ADAMTS20: variants seen among roughly 807,000 people sequenced by gnomAD.
The protein encoded by ADAMTS20 is A disintegrin and metalloproteinase with thrombospondin motifs 20.
Under a neutral mutation model 260.1 loss-of-function variants are expected in ADAMTS20, and 225 were observed. The ratio of observed to expected loss-of-function variants is 0.87; its 90% confidence interval spans 0.78 to 0.97. The LOEUF is 0.97. ADAMTS20 is among the 50% of genes least tolerant of loss of function. ADAMTS20 has a pLI of 0.00. For missense variants in ADAMTS20, 2,400 were observed against 2,337.7 expected (o/e 1.03, Z -0.55); for synonymous variants, 802 against 769.5 (o/e 1.04, Z -0.70).
intron 28 of ADAMTS20, among the ~76,000 whole-genome samples, chr12:43,410,888 C>T (rs1468479477): frequency 6.6e-6 from 1 of 152,130 alleles, no homozygotes; most frequent in Non-Finnish European, 1.5e-5. Flanking sequence ...GTATGGCCTC[C>T]AACTTTAGGA....
intron 28 of ADAMTS20, among the ~76,000 whole-genome samples, chr12:43,418,588 C>A (rs764400891): frequency 6.6e-6 from 1 of 152,184 alleles, no homozygotes; most frequent in Non-Finnish European, 1.5e-5. Flanking sequence ...GGATTACAGG[C>A]ATGAGCCACT....
intron 16 of ADAMTS20, among the ~76,000 whole-genome samples, chr12:43,443,304 A>C (rs1315806913): frequency 6.6e-6 from 1 of 152,208 alleles, no homozygotes; most frequent in Non-Finnish European, 1.5e-5. Context: ...CAGACAATAT[A>C]CTGTGACTAC....
chr12:43,546,278 A>G (rs559060236), intron 2 of ADAMTS20, among the ~76,000 whole-genome samples: 6 of 152,322 alleles, frequency 3.9e-5, no homozygotes, highest in South Asian at 2.1e-4. Flanking sequence ...AGAAACTTCA[A>G]AAGTACACAC....
At chr12:43,450,746 A>G (rs1440331188) in intron 14 of ADAMTS20, among the ~76,000 whole-genome samples, 5 of 152,242 alleles carry the variant, frequency 3.3e-5, no homozygotes, top group South Asian at 4.1e-4. Flanking sequence ...TTATTTTCAA[A>G]CTGACAGATA....
In ADAMTS20 at chr12:43,428,537, CAAAA is replaced by C; in HGVS notation, c.3655-10_3655-7del. ...TGGCCACAGGAAGCTGAACACTGATCAAAAATTTAGCCAATGGTAATATACAACA... is the reference window on the plus strand; with the variant it reads ...TGGCCACAGGAAGCTGAACACTGATCATTTAGCCAATGGTAATATACAACA... On this transcript the variant is annotated splice_region_variant and splice_polypyrimidine_tract_variant and intron_variant, in intron 25 of 38. Coordinates refer to ENST00000389420, the MANE Select transcript of ADAMTS20 (RefSeq NM_025003.5). 3.7e-6 allele frequency: 6 copies of C among 1,605,910 alleles called. No individual in the cohort carries two copies. Among genetic ancestry groups the C allele is most frequent in the Non-Finnish European group, 5.1e-6 (6 of 1,175,482 alleles).
chr12:43,356,539 G>C lies in ADAMTS20; in HGVS notation c.5588C>G (p.Thr1863Arg). The part of the protein sequence containing the change: ...LSGTGMKISS[T>R]AKWLTQGSYT... ...ACTCCCCTGAGTGAGCCACTTTGCTGTGCTGGATATCTTCATCCCAGTTCC... is the reference window on the plus strand; with the variant it reads ...ACTCCCCTGAGTGAGCCACTTTGCTCTGCTGGATATCTTCATCCCAGTTCC... Residue 1863 changes from threonine (T) to arginine (R), a missense_variant, in exon 38 of 39, where the codon ACA becomes AGA. Coordinates refer to ENST00000389420, the MANE Select transcript of ADAMTS20 (RefSeq NM_025003.5). 1 of 1,612,178 alleles carries C rather than the reference G, an allele frequency of 6.2e-7. No homozygotes were observed. Among genetic ancestry groups the C allele is most frequent in the Non-Finnish European group, 8.5e-7 (1 of 1,179,072 alleles).
At chr12:43,360,857 T>TATCTAACA (rs1251243055) in intron 37 of ADAMTS20, among the ~76,000 whole-genome samples, 5 of 152,178 alleles carry the variant, frequency 3.3e-5, no homozygotes, top group Admixed American at 6.5e-5. Context: ...ACATTCCAAA[T>TATCTAACA]ATCTAACAAC....
At chr12:43,397,295 G>A (rs999684099) in intron 29 of ADAMTS20, among the ~76,000 whole-genome samples, 5 of 152,156 alleles carry the variant, frequency 3.3e-5, no homozygotes, top group Non-Finnish European at 7.4e-5. Flanking sequence ...GTGAGCATGG[G>A]TTAGGTTTTA....
intron 3 of ADAMTS20, among the ~76,000 whole-genome samples, chr12:43,503,819 G>C (rs879796205): frequency 6.6e-6 from 1 of 151,990 alleles, no homozygotes; most frequent in Non-Finnish European, 1.5e-5. Flanking sequence ...GCAGTATTTG[G>C]TTTTCTGTTC....
At chr12:43,503,663 C>A (rs2137450596) in intron 3 of ADAMTS20, among the ~76,000 whole-genome samples, 1 of 151,930 alleles carries the variant, frequency 6.6e-6, no homozygotes, top group East Asian at 1.9e-4. Flanking sequence ...ATTTCGTTAC[C>A]CAGGTACTAA....
At chr12:43,397,284 A>C (rs1051879058) in intron 29 of ADAMTS20, among the ~76,000 whole-genome samples, 2 of 152,182 alleles carry the variant, frequency 1.3e-5, no homozygotes, top group African/African-American at 4.8e-5. Flanking sequence ...ATTCTGAACA[A>C]GTGAGCATGG....
At chr12:43,458,491 A>G (rs979109807) in intron 11 of ADAMTS20, among the ~76,000 whole-genome samples, 1 of 152,182 alleles carries the variant, frequency 6.6e-6, no homozygotes, top group African/African-American at 2.4e-5. Flanking sequence ...TACTCCAGGC[A>G]TACTCCAGAC....
intron 16 of ADAMTS20, among the ~76,000 whole-genome samples, chr12:43,441,568 A>T (rs567079086): frequency 2.0e-5 from 3 of 152,232 alleles, no homozygotes; most frequent in Admixed American, 2.0e-4. Context: ...CAGTCTTTTA[A>T]TCAGGATCAA....
intron 28 of ADAMTS20, among the ~76,000 whole-genome samples, chr12:43,411,067 A>G (rs899350798): frequency 6.6e-6 from 1 of 152,212 alleles, no homozygotes; most frequent in African/African-American, 2.4e-5. Context: ...AAGAATCACA[A>G]TAATTTAACT....
chr12:43,356,804 G>C (rs558470845), intron 37 of ADAMTS20, among the ~76,000 whole-genome samples: 7 of 152,218 alleles, frequency 4.6e-5, no homozygotes, highest in African/African-American at 1.7e-4. Context: ...TGTTCACGGG[G>C]ACCAACATTT....
intron 31 of ADAMTS20, among the ~76,000 whole-genome samples, chr12:43,379,721 A>C (rs1940308566): frequency 6.6e-6 from 1 of 152,326 alleles, no homozygotes; most frequent in East Asian, 1.9e-4. Flanking sequence ...CTTAACAGTT[A>C]GTTCAGAAAA....
At chr12:43,384,453 C>T (rs191232932) in intron 29 of ADAMTS20, among the ~76,000 whole-genome samples, 1 of 152,000 alleles carries the variant, frequency 6.6e-6, no homozygotes, top group African/African-American at 2.4e-5. Context: ...AATCTAAATA[C>T]TTGCTAATTT....
In ADAMTS20 at chr12:43,369,322, C is replaced by A; in HGVS notation, c.5506G>T (p.Gly1836Ter). 6.4e-7 allele frequency: 1 copy of A among 1,557,890 alleles called. No homozygotes were observed. The change falls in exon 37 of 39, where the codon GGA (glycine) becomes TGA (stop). Residue 1836 changes from glycine (G) to a stop codon, truncating the protein, a stop_gained. Coordinates refer to ENST00000389420, the MANE Select transcript of ADAMTS20 (RefSeq NM_025003.5). LOFTEE classifies it high-confidence loss of function. ...CATCTGAAAGCACTGTAGCAATCTCCAGCTGTGGCAAATGGAACTGCATTT... is the reference window on the plus strand; with the variant it reads ...CATCTGAAAGCACTGTAGCAATCTCAAGCTGTGGCAAATGGAACTGCATTT... Reference protein sequence around the residue: ...FGNAVPFATAGDCYSAFRCPQ... With the variant: ...FGNAVPFATA
At chr12:43,415,379 T>A (rs974754466) in intron 28 of ADAMTS20, among the ~76,000 whole-genome samples, 2 of 152,140 alleles carry the variant, frequency 1.3e-5, no homozygotes, top group African/African-American at 4.8e-5. Context: ...GCAACTCCAG[T>A]CCAAATTGAT....
Sources: allele counts gnomAD v4.1 joint callset (sites outside exome capture counted in the v4.1 genomes callset), GRCh38; gene constraint gnomAD v4.1.1; transcripts MANE v1.5; gene names NCBI Gene and HGNC (gene_info 2026-07-23, HGNC 2026-07-21).